The following MAST2 variants were observed in gnomAD, a reference collection of about 807,000 sequenced individuals.
The protein encoded by MAST2 is microtubule associated serine/threonine kinase 2.
A neutral mutation model predicts 147.4 loss-of-function variants in MAST2; 70 were observed. The ratio of observed to expected loss-of-function variants is 0.47; its 90% CI spans 0.39 to 0.58. The LOEUF (loss-of-function observed/expected upper bound fraction) is 0.58, where lower values mean the gene tolerates loss of function less well. MAST2 is among the 20% of genes least tolerant of loss of function. The pLI, the probability that MAST2 is intolerant of heterozygous loss-of-function variation, is 0.00. For missense variants in MAST2, 2,080 were observed against 2,302.3 expected (o/e 0.90, Z 1.98); for synonymous variants, 869 against 896.8 (o/e 0.97, Z 0.55).
intron 4 of MAST2, among the ~76,000 whole-genome samples, chr1:45,924,293 G>T (rs927723316): frequency 5.9e-5 from 9 of 152,308 alleles, no homozygotes; most frequent in African/African-American, 2.2e-4. Context: ...TCTGTGCTTA[G>T]TGAAAACGGT....
rs184033088 is a variant in MAST2 at position 46,026,364 on chromosome 1, C to T, written c.1919+549C>T. Among the ~76,000 whole-genome samples, 33 of 152,110 alleles carry T rather than the reference C, an allele frequency of 2.2e-4. No individual in the cohort carries two copies. The East Asian group carries it at 5.2e-3, about 24-fold the overall frequency. On this transcript the variant is annotated intron_variant, in intron 16 of 28. Coordinates refer to ENST00000361297, the MANE Select transcript of MAST2 (RefSeq NM_015112.3). ...AGGAACTACAAATAGTGCAATATGGCGACAGCTTAGATGGTGAGAGAGTAG... is the reference window on the plus strand; with the variant it reads ...AGGAACTACAAATAGTGCAATATGGTGACAGCTTAGATGGTGAGAGAGTAG...
chr1:46,031,125 C>T lies in MAST2; in HGVS notation c.2827C>T (p.Pro943Ser). 1.2e-6 allele frequency: 2 copies of T among 1,611,056 alleles called. No homozygotes were observed. Among genetic ancestry groups the T allele is most frequent in the Non-Finnish European group, 1.7e-6 (2 of 1,178,040 alleles). The stretch of plus-strand genomic sequence containing the variant: ...GGATGCGCCTCGGTTCCCGGAGGGC[C>T]CTGAGGAGGCCAGCAGCACCCTCAG... ...LLDAPRFPEG[P>S]EEASSTLRRQ... Residue 943 changes from proline to serine, a missense_variant, in exon 23 of 29, where the codon CCT becomes TCT. Physicochemically the swap from Pro to Ser is moderately conservative, Grantham distance 74. Coordinates refer to ENST00000361297, the MANE Select transcript of MAST2 (RefSeq NM_015112.3). This position sits in a 1 kb window ranked among gnomAD's most constrained non-coding sequence, Gnocchi z 4.1.
intron 4 of MAST2, among the ~76,000 whole-genome samples, chr1:45,958,440 T>C (rs533792701): frequency 8.5e-5 from 13 of 152,124 alleles, no homozygotes; most frequent in African/African-American, 3.1e-4. Flanking sequence ...AGCTCTCTCA[T>C]CAGACTTCAC....
Position 45,904,199 on chromosome 1 carries a change from G to T in MAST2, c.500+21804G>T, listed in dbSNP as rs1449309556. On this transcript the variant is annotated intron_variant, in intron 4 of 28. Coordinates refer to ENST00000361297, the MANE Select transcript of MAST2 (RefSeq NM_015112.3). The stretch of plus-strand genomic sequence containing the variant: ...ATTTTTTTTTTTTTTTGAGACGAAG[G>T]CTTACTCTTGTCCCCCAGGCTGGAG... Among the ~76,000 whole-genome samples, 9 of 150,716 alleles carry T rather than the reference G, an allele frequency of 6.0e-5. No individual in the cohort carries two copies. The East Asian group carries it at 1.8e-3, about 30-fold the overall frequency.
chr1:45,831,004 C>T (rs1280629569), intron 3 of MAST2, among the ~76,000 whole-genome samples: 1 of 147,198 alleles, frequency 6.8e-6, no homozygotes, highest in African/African-American at 2.5e-5. Context: ...CCACCACACT[C>T]TGGCGACAGA....
chr1:45,921,355 A>G (rs151328725), intron 4 of MAST2, among the ~76,000 whole-genome samples: 25 of 152,116 alleles, frequency 1.6e-4, no homozygotes, highest in African/African-American at 5.3e-4. Flanking sequence ...TTGCTTTTCT[A>G]GCTAGAAACC....
In MAST2 at chr1:46,027,788, T is replaced by G. The variant is rs1707336; in HGVS notation, c.1977T>G (p.Ile659Met). The G allele has an allele frequency of 0.44, 717,535 of 1,612,994 alleles. 161,246 individuals are homozygous for G. Among genetic ancestry groups the G allele is most frequent in the East Asian group, 0.64 (28,770 of 44,862 alleles). The change falls in exon 17 of 29, where the codon ATT becomes ATG. Residue 659 changes from isoleucine (I) to methionine (M), a missense_variant. By Grantham distance (10) the Ile-to-Met change is conservative (BLOSUM62 1). This residue lies in a region of MAST2 where 209 missense variants were observed against 309.5 expected (regional missense o/e 0.68). Transcript: ENST00000361297. The stretch of plus-strand genomic sequence containing the variant: ...TCACGGACTTTGGACTGTCCAAAAT[T>G]GGCCTCATGAGTCTGACAACGAACT... The part of the protein sequence containing the change: ...IKLTDFGLSK[I>M]GLMSLTTNLY...
Position 45,866,559 on chromosome 1 carries a change from A to G in MAST2, c.469-15805A>G, listed in dbSNP as rs768171965. On this transcript the variant is annotated intron_variant, in intron 3 of 28. Coordinates refer to ENST00000361297, the MANE Select transcript of MAST2 (RefSeq NM_015112.3). ...GGAAATATTTTCTGTTTTGTGTTAA[A>G]TCATTCATTTTCTCCCTGATGCCTG... Among the ~76,000 whole-genome samples, 42 of 152,220 alleles carry G rather than the reference A, an allele frequency of 2.8e-4. 1 individual carries two copies. The Middle Eastern group carries it at 0.034, about 123-fold the overall frequency.
intron 3 of MAST2, among the ~76,000 whole-genome samples, chr1:45,878,134 G>A (rs1216336503): frequency 6.6e-6 from 1 of 151,218 alleles, no homozygotes; most frequent in African/African-American, 2.4e-5. Flanking sequence ...AACCTGGGAG[G>A]CAGAGGGTGC....
chr1:45,929,307 T>C (rs1654903382), intron 4 of MAST2, among the ~76,000 whole-genome samples: 2 of 152,176 alleles, frequency 1.3e-5, no homozygotes, highest in Middle Eastern at 3.2e-3. Flanking sequence ...AAAGCCTGAG[T>C]GTCCTCAGTT....
intron 4 of MAST2, among the ~76,000 whole-genome samples, chr1:45,941,222 T>C (rs1355879730): frequency 2.6e-5 from 4 of 152,166 alleles, no homozygotes; most frequent in Non-Finnish European, 5.9e-5. Flanking sequence ...ACCAAACTTA[T>C]TTATATAAGT....
intron 3 of MAST2, among the ~76,000 whole-genome samples, chr1:45,867,029 T>C (rs10158032): frequency 0.34 from 51,492 of 151,812 alleles, 9,094 homozygotes; most frequent in African/African-American, 0.44. Context: ...GGATTGCAGA[T>C]GTGAGCCACC....
intron 5 of MAST2, among the ~76,000 whole-genome samples, chr1:45,967,393 C>T (rs973674197): frequency 2.6e-5 from 4 of 151,924 alleles, no homozygotes; most frequent in Non-Finnish European, 4.4e-5. Flanking sequence ...TTGACTGCCC[C>T]GAAATTTAAC....
intron 10 of MAST2, among the ~76,000 whole-genome samples, chr1:46,017,898 G>C (rs1314622897): frequency 1.3e-5 from 2 of 152,208 alleles, no homozygotes; most frequent in Non-Finnish European, 2.9e-5. Context: ...ATTCACAATA[G>C]CATTTACTGT....
intron 10 of MAST2, among the ~76,000 whole-genome samples, chr1:46,018,592 AT>A (rs1269604306): frequency 3.3e-5 from 5 of 152,176 alleles, no homozygotes; most frequent in African/African-American, 1.2e-4. Flanking sequence ...TTCTGTATGC[AT>A]CTTTTCCTCT....
rs1646255813 is a variant in MAST2 at position 46,023,055 on chromosome 1, T to C, written c.1485+84T>C. On this transcript the variant is annotated intron_variant, in intron 13 of 28. Transcript: ENST00000361297. This position sits in a 1 kb window ranked among gnomAD's most constrained non-coding sequence, Gnocchi z 4.9. ...TATGAATTCTCTTTAAGAGAATATCTGAGGAAGGGATGGGGGAGTTGGTGA... is the reference window on the plus strand; with the variant it reads ...TATGAATTCTCTTTAAGAGAATATCCGAGGAAGGGATGGGGGAGTTGGTGA... 4 of 1,390,104 alleles carry C rather than the reference T, an allele frequency of 2.9e-6. No individual in the cohort carries two copies. The highest frequency in any genetic ancestry group is 3.1e-6 in the Non-Finnish European group (3 of 981,902). The allele number at this position is 1,390,104 out of a possible 1,614,324, so 86.1% of individuals were successfully genotyped here. A position where few individuals can be genotyped will look rare whatever the true frequency, so the allele number is the denominator to read the frequency against.
chr1:45,992,639 T>G (rs1049540310), intron 5 of MAST2, among the ~76,000 whole-genome samples: 1 of 152,160 alleles, frequency 6.6e-6, no homozygotes, highest in Non-Finnish European at 1.5e-5. Flanking sequence ...TTTGGTAGAA[T>G]TAATCAGTGA....
At chr1:45,808,396 A>G (rs968076139) in intron 1 of MAST2, among the ~76,000 whole-genome samples, 5 of 151,990 alleles carry the variant, frequency 3.3e-5, no homozygotes, top group Non-Finnish European at 7.4e-5. Flanking sequence ...TTTAGTAGAG[A>G]TGGGGTTTCA....
At chr1:45,959,516 T>G in intron 5 of MAST2, 39 bp downstream of exon 5, 1 of 1,525,560 alleles carries the variant, frequency 6.6e-7, no homozygotes, top group Non-Finnish European at 9.1e-7. Flanking sequence ...AATGAAAGAG[T>G]GGCCACAGAT....
Sources: gnomAD v4.1 joint callset for allele counts (sites outside exome capture counted in the v4.1 genomes callset) on GRCh38, gnomAD v4.1.1 for gene constraint, gnomAD v4.1.1 regional missense constraint, Gnocchi (gnomAD v3.1) non-coding constraint, MANE v1.5 for transcripts, NCBI Gene and HGNC (gene_info 2026-07-23, HGNC 2026-07-21) for gene names.